Variants in ZNF169 observed in about 807,000 individuals in gnomAD.
ZNF169 encodes the protein zinc finger protein 169.
In ZNF169, 11 loss-of-function variants were observed where a neutral mutation model predicts 12.0. The ratio of observed to expected loss-of-function variants is 0.92; its 90% confidence interval spans 0.58 to 1.52. ZNF169 has a LOEUF of 1.52. Among genes scored for constraint, ZNF169 ranks in the 40% most tolerant of loss-of-function variants. The probability of loss-of-function intolerance (pLI) is 0.00; values close to 1 mark genes in which losing one functional copy is unlikely to be tolerated. For missense variants in ZNF169, 722 were observed against 744.0 expected (o/e 0.97, Z 0.34); for synonymous variants, 302 against 286.5 (o/e 1.05, Z -0.55).
intron 1 of ZNF169, among the ~76,000 whole-genome samples, chr9:94,261,061 C>G (rs1415998261): frequency 6.7e-6 from 1 of 150,296 alleles, no homozygotes; most frequent in African/African-American, 2.4e-5. Context: ...GAGAGGGAGT[C>G]TTGCTCTGTC....
rs386415517 is a variant in ZNF169, at chr9:94,292,607, T to TTTGTGTGTGTGTGTGTGTG, written c.160+141_160+142insTGTGTGTGTGTGTGTGTGT. The TTTGTGTGTGTGTGTGTGTG allele has an allele frequency of 3.0e-3, 2,038 of 678,352 alleles. 3 individuals carry two copies. Among genetic ancestry groups the TTTGTGTGTGTGTGTGTGTG allele is most frequent in the East Asian group, 0.014 (476 of 32,878 alleles). The allele number at this position is 678,352 out of a possible 1,614,324, so 42.0% of individuals were successfully genotyped here. The stretch of plus-strand genomic sequence containing the variant: ...AGAATGCCTGGCTTTCACAGTGCAG[T>TTTGTGTGTGTGTGTGTGTG]TGTGTGTGTGTGTGTGTGTGTGTGT... On this transcript the variant is annotated intron_variant, in intron 3 of 4. Transcript: ENST00000395395.
At chr9:94,259,501 G>A (rs1312104444) in intron 1 of ZNF169, among the ~76,000 whole-genome samples, 156 bp downstream of exon 1, 3 of 152,240 alleles carry the variant, frequency 2.0e-5, no homozygotes, top group African/African-American at 7.2e-5. Flanking sequence ...TGGGGTCTGG[G>A]CGTGCGTGGT....
intron 3 of ZNF169, 61 bp from the exon 4 acceptor site, chr9:94,292,913 C>T (rs961010903): frequency 3.4e-6 from 5 of 1,471,660 alleles, no homozygotes; most frequent in African/African-American, 2.8e-5. Flanking sequence ...GCTCTGAGTT[C>T]TGAGATAGCC....
At chr9:94,269,327 G>C (rs73523834) in intron 1 of ZNF169, among the ~76,000 whole-genome samples, 2 of 151,714 alleles carry the variant, frequency 1.3e-5, no homozygotes, top group Admixed American at 1.3e-4. Context: ...AAATGGCTTC[G>C]CAAGCCCAGA....
At chr9:94,279,965 A>G (rs1830598322) in intron 2 of ZNF169, among the ~76,000 whole-genome samples, 1 of 152,242 alleles carries the variant, frequency 6.6e-6, no homozygotes, top group Non-Finnish European at 1.5e-5. Context: ...ATGTAGCTGA[A>G]TGGAATTAAC....
At chr9:94,259,940 C>T (rs531113727) in intron 1 of ZNF169, among the ~76,000 whole-genome samples, 1 of 152,260 alleles carries the variant, frequency 6.6e-6, no homozygotes, top group Non-Finnish European at 1.5e-5. Context: ...CTCTCTGTCG[C>T]CCAGGCTGGA....
chr9:94,298,204 C>G (rs2118665923), intron 4 of ZNF169, among the ~76,000 whole-genome samples: 1 of 151,502 alleles, frequency 6.6e-6, no homozygotes, highest in Admixed American at 6.6e-5. Flanking sequence ...GACTCAATTT[C>G]TAATCTGAGT....
intron 2 of ZNF169, among the ~76,000 whole-genome samples, chr9:94,279,663 G>T (rs2118597714): frequency 6.6e-6 from 1 of 152,130 alleles, no homozygotes. Flanking sequence ...GAAAGAAAAT[G>T]GGGCAAGAAT....
intron 1 of ZNF169, among the ~76,000 whole-genome samples, chr9:94,265,185 G>T (rs963195158): frequency 1.3e-5 from 2 of 151,632 alleles, no homozygotes; most frequent in African/African-American, 4.9e-5. Context: ...GCTATTTTTC[G>T]TGGCCCAATA....
intron 4 of ZNF169, chr9:94,296,986 G>A (rs1186668947): frequency 2.8e-6 from 1 of 362,122 alleles, no homozygotes; most frequent in Admixed American, 3.7e-5. Context: ...GGCGGAGGTT[G>A]CAGTGAGCCG....
chr9:94,262,206 C>T (rs1830218390), intron 1 of ZNF169, among the ~76,000 whole-genome samples: 1 of 152,204 alleles, frequency 6.6e-6, no homozygotes, highest in East Asian at 1.9e-4. Context: ...TCTGGCTCCT[C>T]ATGGGTCACT....
At chr9:94,279,263 C>T (rs1313920636) in intron 2 of ZNF169, among the ~76,000 whole-genome samples, 12 of 151,860 alleles carry the variant, frequency 7.9e-5, no homozygotes, top group South Asian at 2.1e-4. Context: ...TGGTGGTGGG[C>T]GCCTGTAATC....
At chr9:94,294,667 G>T (rs1384542042) in intron 4 of ZNF169, 1 of 152,144 alleles carries the variant, frequency 6.6e-6, no homozygotes, top group African/African-American at 2.4e-5. Flanking sequence ...TCTCAGAGGG[G>T]TTTTTAAGTT....
chr9:94,300,657 T>G lies in ZNF169; in HGVS notation c.1099T>G (p.Ser367Ala), dbSNP rs374160349. ...QKASLLQHQS[S>A]HTGERPFLCL... is the part of the protein sequence containing the mutation. ...GGCATCACTCCTCCAGCACCAGAGC[T>G]CACACACAGGGGAGAGGCCCTTCCT... Residue 367 changes from serine to alanine, a missense_variant, in exon 5 of 5, where the codon TCA becomes GCA. Ser to Ala is a moderately conservative substitution (Grantham distance 99, BLOSUM62 1). Coordinates refer to ENST00000395395, the MANE Select transcript of ZNF169 (RefSeq NM_194320.4). The G allele has an allele frequency of 1.2e-6, 2 of 1,612,788 alleles. No individual in the cohort carries two copies. The highest frequency in any genetic ancestry group is 1.7e-6 in the Non-Finnish European group (2 of 1,179,654).
chr9:94,271,183 C>T (rs1203407176), intron 1 of ZNF169, among the ~76,000 whole-genome samples: 1 of 149,568 alleles, frequency 6.7e-6, no homozygotes, highest in East Asian at 2.0e-4. Flanking sequence ...GAAGCCTTAA[C>T]CTCCTGGGCT....
chr9:94,295,574 T>A (rs1830933529), intron 4 of ZNF169: 1 of 152,216 alleles, frequency 6.6e-6, no homozygotes, highest in South Asian at 2.1e-4. Flanking sequence ...TGTCCTCCCC[T>A]GTACCTGGGC....
At chr9:94,283,787 G>A (rs1295171059) in intron 2 of ZNF169, among the ~76,000 whole-genome samples, 1 of 152,120 alleles carries the variant, frequency 6.6e-6, no homozygotes, top group African/African-American at 2.4e-5. Context: ...TATAATATGA[G>A]GCCGGGTGCG....
At position 94,268,785 on chromosome 9, in the gene ZNF169, C is replaced by CAAAAA. The variant is rs58102758; in HGVS notation, c.-56+9453_-56+9457dup. Among the ~76,000 whole-genome samples, 1,004 of 113,228 alleles carry CAAAAA rather than the reference C, an allele frequency of 8.9e-3. 11 individuals are homozygous for CAAAAA. The highest frequency in any genetic ancestry group is 0.015 in the African/African-American group (448 of 30,770). 74.3% of individuals were successfully genotyped at this position (113,228 alleles called of 152,430 possible). A position where few individuals can be genotyped will look rare whatever the true frequency, so the allele number is the denominator to read the frequency against. On this transcript the variant is annotated intron_variant, in intron 1 of 4. Coordinates refer to ENST00000395395, the MANE Select transcript of ZNF169 (RefSeq NM_194320.4). ...TGGGTGACAAAGTGAGACTCCATTTCAAAAAAAAAAAAAAAAATTTCCAAA... is the reference window on the plus strand; with the variant it reads ...TGGGTGACAAAGTGAGACTCCATTTCAAAAAAAAAAAAAAAAAAAAAATTTCCAAA...
At chr9:94,269,183 G>A (rs956157920) in intron 1 of ZNF169, among the ~76,000 whole-genome samples, 1 of 152,068 alleles carries the variant, frequency 6.6e-6, no homozygotes, top group African/African-American at 2.4e-5. Context: ...AAGAAGTGGA[G>A]ACAAATTTTG....
Sources: allele counts gnomAD v4.1 joint callset (sites outside exome capture counted in the v4.1 genomes callset), GRCh38; gene constraint gnomAD v4.1.1; transcripts MANE v1.5; gene names NCBI Gene and HGNC (gene_info 2026-07-23, HGNC 2026-07-21).